The following GRM5 variants were observed in gnomAD, a reference collection of about 807,000 sequenced individuals.
The protein encoded by GRM5 is metabotropic glutamate receptor 5.
GRM5 carries 19 observed loss-of-function variants against 83.1 expected under a neutral mutation model. That is an observed-to-expected ratio of 0.23 (90% CI 0.16 to 0.34). GRM5 has a LOEUF of 0.34. Ranked by LOEUF, GRM5 falls within the 10% of genes least tolerant of loss-of-function variation. The probability of loss-of-function intolerance (pLI) is 1.00; values close to 1 mark genes in which losing one functional copy is unlikely to be tolerated. For synonymous variants in GRM5, 675 were observed against 633.6 expected, an observed-to-expected ratio of 1.07 and a Z score of -0.98; for missense variants, 1,160 against 1,588.3, an observed-to-expected ratio of 0.73 and a Z score of 4.58.
chr11:88,543,142 G>C (rs749497596), intron 8 of GRM5, among the ~76,000 whole-genome samples: 3 of 152,120 alleles, frequency 2.0e-5, no homozygotes, highest in Admixed American at 1.3e-4. Context: ...AAAATGCCGT[G>C]GTGTAATTTG....
intron 3 of GRM5, among the ~76,000 whole-genome samples, chr11:88,703,676 T>C (rs990537452): frequency 1.3e-5 from 2 of 152,080 alleles, no homozygotes; most frequent in Non-Finnish European, 2.9e-5. Flanking sequence ...TATCTACCCC[T>C]ACCAACTCCT....
At chr11:88,637,412 A>ATG (rs1939162125) in intron 4 of GRM5, among the ~76,000 whole-genome samples, 4 of 152,068 alleles carry the variant, frequency 2.6e-5, no homozygotes, top group Non-Finnish European at 5.9e-5. Flanking sequence ...TCATCTGACA[A>ATG]AGGGCTAATA....
At chr11:88,526,052 T>C (rs1193867735) in intron 8 of GRM5, among the ~76,000 whole-genome samples, 1 of 152,236 alleles carries the variant, frequency 6.6e-6, no homozygotes, top group Non-Finnish European at 1.5e-5. Flanking sequence ...CCATTCTGGA[T>C]GTTGTTAGAC....
intron 6 of GRM5, among the ~76,000 whole-genome samples, chr11:88,596,301 C>G (rs1374956765): frequency 6.6e-6 from 1 of 152,156 alleles, no homozygotes; most frequent in Non-Finnish European, 1.5e-5. Context: ...ACCACTATCA[C>G]AGCATCCTTC....
At chr11:88,586,120 A>ACC (rs1943309422) in intron 7 of GRM5, among the ~76,000 whole-genome samples, 1 of 151,930 alleles carries the variant, frequency 6.6e-6, no homozygotes, top group African/African-American at 2.4e-5. Context: ...ACACACACAC[A>ACC]CACACACATA....
intron 1 of GRM5, among the ~76,000 whole-genome samples, chr11:89,064,016 G>C (rs1942051633): frequency 6.6e-6 from 1 of 152,186 alleles, no homozygotes; most frequent in Non-Finnish European, 1.5e-5. Flanking sequence ...CAGGTGGAAG[G>C]AGTGTCAAGG....
chr11:88,753,076 G>T (rs1942316240), intron 3 of GRM5, among the ~76,000 whole-genome samples: 1 of 152,094 alleles, frequency 6.6e-6, no homozygotes, highest in African/African-American at 2.4e-5. Flanking sequence ...ATCACCAAAA[G>T]CAATTGCAAC....
intron 8 of GRM5, among the ~76,000 whole-genome samples, chr11:88,558,799 C>CAAAAAAAAAAAAAAAAAAAAAAAA (rs71265014): frequency 4.6e-5 from 1 of 21,910 alleles, no homozygotes; most frequent in African/African-American, 1.3e-4. Flanking sequence ...GACTCCATCT[C>CAAAAAAAAAAAAAAAAAAAAAAAA]AAAAAAAAAA....
intron 3 of GRM5, among the ~76,000 whole-genome samples, chr11:88,838,706 T>A (rs567697596): frequency 5.2e-4 from 79 of 152,330 alleles, no homozygotes; most frequent in African/African-American, 1.8e-3. Flanking sequence ...TTTAAAAATA[T>A]CTTGCATTAT....
At chr11:88,772,403 CT>C (rs373180323) in intron 3 of GRM5, among the ~76,000 whole-genome samples, 6 of 151,512 alleles carry the variant, frequency 4.0e-5, no homozygotes, top group Admixed American at 6.6e-5. Context: ...CAATCATGTA[CT>C]TTTTTTATTT....
chr11:88,924,619 A>G (rs1945754947), intron 2 of GRM5, among the ~76,000 whole-genome samples: 1 of 152,054 alleles, frequency 6.6e-6, no homozygotes, highest in Non-Finnish European at 1.5e-5. Flanking sequence ...ATATGGAAAC[A>G]GAAAGTAGAA....
At chr11:88,957,924 T>C (rs1938672182) in intron 2 of GRM5, among the ~76,000 whole-genome samples, 1 of 152,304 alleles carries the variant, frequency 6.6e-6, no homozygotes, top group East Asian at 1.9e-4. Context: ...AATTTTTAAA[T>C]TCTAATTGTG....
intron 3 of GRM5, among the ~76,000 whole-genome samples, chr11:88,715,106 A>C (rs1343959217): frequency 6.6e-6 from 1 of 152,004 alleles, no homozygotes; most frequent in Non-Finnish European, 1.5e-5. Context: ...ATCCTCTGAA[A>C]TAGACATAAT....
Position 88,798,825 on chromosome 11 carries a change from A to AAAAC in GRM5, c.911+51080_911+51081insGTTT, listed in dbSNP as rs777932007. Among the ~76,000 whole-genome samples the AAAAC allele has an allele frequency of 8.8e-3, 1,265 of 144,556 alleles. 15 individuals carry two copies. The highest frequency in any genetic ancestry group is 0.037 in the Admixed American group (472 of 12,672). 94.8% of individuals were successfully genotyped at this position (144,556 alleles called of 152,430 possible). A position where few individuals can be genotyped will look rare whatever the true frequency, so the allele number is the denominator to read the frequency against. ...AACACCAAAAAAAAAAAAAAAAAAAAAACAACAACAACAACAAAAAAAAAC... is the reference window on the plus strand; with the variant it reads ...AACACCAAAAAAAAAAAAAAAAAAAAAAACAACAACAACAACAACAAAAAAAAAC... On this transcript the variant is annotated intron_variant, in intron 3 of 9. Transcript: ENST00000305447.
At chr11:88,953,316 C>T (rs1036746414) in intron 2 of GRM5, among the ~76,000 whole-genome samples, 1 of 152,168 alleles carries the variant, frequency 6.6e-6, no homozygotes, top group Non-Finnish European at 1.5e-5. Context: ...CACATCTATG[C>T]CAGTAGATTA....
intron 3 of GRM5, among the ~76,000 whole-genome samples, chr11:88,669,867 A>G (rs952005539): frequency 6.6e-6 from 1 of 152,042 alleles, no homozygotes; most frequent in Non-Finnish European, 1.5e-5. Flanking sequence ...TTACAGATGG[A>G]TTGTAATCTC....
chr11:88,719,490 CT>C (rs1449583219), intron 3 of GRM5, among the ~76,000 whole-genome samples: 1 of 152,024 alleles, frequency 6.6e-6, no homozygotes, highest in Non-Finnish European at 1.5e-5. Context: ...GATTCCATGT[CT>C]TTTCTATTGC....
intron 4 of GRM5, 78 bp from the exon 5 acceptor site, chr11:88,605,042 T>C: frequency 8.6e-7 from 1 of 1,166,190 alleles, no homozygotes; most frequent in Non-Finnish European, 1.2e-6. Context: ...AATAATGGGT[T>C]ACCTGTAATT....
At chr11:88,978,530 TAAGA>T (rs140247529) in intron 2 of GRM5, among the ~76,000 whole-genome samples, 2,558 of 138,504 alleles carry the variant, frequency 0.018, 87 homozygotes, top group African/African-American at 0.066. Context: ...CATAATGTCT[TAAGA>T]AAGTTTATGA....
Sources: gnomAD v4.1 joint callset for allele counts (sites outside exome capture counted in the v4.1 genomes callset) on GRCh38, gnomAD v4.1.1 for gene constraint, MANE v1.5 for transcripts, NCBI Gene and HGNC (gene_info 2026-07-23, HGNC 2026-07-21) for gene names.